The following PRICKLE1 variants were observed in gnomAD, a reference collection of about 807,000 sequenced individuals.
PRICKLE1 encodes the protein prickle-like protein 1.
In PRICKLE1, 14 loss-of-function variants were observed where a neutral mutation model predicts 70.2. That is an observed-to-expected ratio of 0.20 (90% CI 0.13 to 0.31). PRICKLE1 has a LOEUF of 0.31. PRICKLE1 is among the 10% of genes least tolerant of loss of function. The probability of loss-of-function intolerance (pLI) is 1.00; values close to 1 mark genes in which losing one functional copy is unlikely to be tolerated. For synonymous variants in PRICKLE1, 357 were observed against 379.9 expected (o/e 0.94, Z 0.70); for missense variants, 821 against 1,026.2 (o/e 0.80, Z 2.73).
At chr12:42,552,447 A>G (rs1290808550) in intron 1 of PRICKLE1, among the ~76,000 whole-genome samples, 1 of 152,244 alleles carries the variant, frequency 6.6e-6, no homozygotes, top group Non-Finnish European at 1.5e-5. Context: ...GAAACTAAGT[A>G]AGACAATGTA....
chr12:42,562,691 T>A (rs989255197), intron 1 of PRICKLE1, among the ~76,000 whole-genome samples: 2 of 152,006 alleles, frequency 1.3e-5, no homozygotes, highest in Non-Finnish European at 2.9e-5. Flanking sequence ...AATTTAAACA[T>A]CAACTATGTA....
At chr12:42,566,689 T>G (rs140523645) in intron 1 of PRICKLE1, among the ~76,000 whole-genome samples, 256 of 152,330 alleles carry the variant, frequency 1.7e-3, no homozygotes, top group African/African-American at 5.7e-3. Flanking sequence ...TAAATTTCTC[T>G]CTTTCTCTCT....
At chr12:42,515,240 A>ATT (rs11360372) in intron 1 of PRICKLE1, among the ~76,000 whole-genome samples, 3,668 of 138,664 alleles carry the variant, frequency 0.026, 166 homozygotes, top group African/African-American at 0.09. Context: ...GGCATTATCT[A>ATT]TTTTTTTTTT....
intron 1 of PRICKLE1, among the ~76,000 whole-genome samples, chr12:42,490,659 C>G (rs1464154306): frequency 6.6e-6 from 1 of 151,964 alleles, no homozygotes; most frequent in African/African-American, 2.4e-5. Context: ...CTTGTGGCTG[C>G]CCGGGGTGTA....
intron 1 of PRICKLE1, among the ~76,000 whole-genome samples, chr12:42,545,833 G>C (rs1239922592): frequency 6.7e-6 from 1 of 148,504 alleles, no homozygotes; most frequent in African/African-American, 2.5e-5. Flanking sequence ...CTGGGTGACA[G>C]AGCAAGACTC....
At chr12:42,567,922 C>T (rs886808774) in intron 1 of PRICKLE1, among the ~76,000 whole-genome samples, 1 of 152,074 alleles carries the variant, frequency 6.6e-6, no homozygotes, top group Non-Finnish European at 1.5e-5. Flanking sequence ...AAAAATAACC[C>T]TTGAAAACCT....
intron 1 of PRICKLE1, among the ~76,000 whole-genome samples, chr12:42,545,377 T>C (rs964739734): frequency 2.6e-5 from 4 of 152,210 alleles, no homozygotes; most frequent in Non-Finnish European, 4.4e-5. Context: ...TGTCATTCAA[T>C]GAATGACACA....
At chr12:42,557,166 G>A (rs1281443663) in intron 1 of PRICKLE1, among the ~76,000 whole-genome samples, 3 of 152,082 alleles carry the variant, frequency 2.0e-5, no homozygotes, top group Non-Finnish European at 4.4e-5. Context: ...CTGGTACATT[G>A]AGTGCTACTC....
At position 42,574,451 on chromosome 12, in the gene PRICKLE1, T is replaced by C. The variant is rs80216254; in HGVS notation, c.-49+15014A>G. On this transcript the variant is annotated intron_variant, in intron 1 of 7. Transcript: ENST00000345127. ...CTTTCCATCAACAAAGCAAATTGTG[T>C]CTGGTTATTGTGAAAATTAATTAAA... Among the ~76,000 whole-genome samples the C allele has an allele frequency of 4.1e-3, 623 of 152,336 alleles. 9 individuals are homozygous for C. In the South Asian group the frequency reaches 0.044, roughly 11 times the overall value.
At chr12:42,539,467 CAAA>C (rs71084669) in intron 1 of PRICKLE1, among the ~76,000 whole-genome samples, 6 of 90,714 alleles carry the variant, frequency 6.6e-5, no homozygotes, top group Admixed American at 2.4e-4. Flanking sequence ...GACTCTGTCT[CAAA>C]AAAAAAAAAA....
chr12:42,461,236 C>T (rs1186044832), intron 7 of PRICKLE1, among the ~76,000 whole-genome samples: 1 of 152,194 alleles, frequency 6.6e-6, no homozygotes, highest in African/African-American at 2.4e-5. Flanking sequence ...GTAGTTACGG[C>T]ACATGGCATG....
chr12:42,494,050 G>A (rs12317568), intron 1 of PRICKLE1, among the ~76,000 whole-genome samples: 8,117 of 152,198 alleles, frequency 0.053, 622 homozygotes, highest in African/African-American at 0.17. Context: ...TCTACTGAGT[G>A]TGCAACAGCA....
chr12:42,522,066 C>T (rs764530870), intron 1 of PRICKLE1, among the ~76,000 whole-genome samples: 5 of 151,614 alleles, frequency 3.3e-5, no homozygotes, highest in Non-Finnish European at 7.4e-5. Context: ...AGCTCCACCT[C>T]GCGGGTTCAA....
chr12:42,543,880 T>C (rs896235554), intron 1 of PRICKLE1, among the ~76,000 whole-genome samples: 1 of 152,218 alleles, frequency 6.6e-6, no homozygotes, highest in Non-Finnish European at 1.5e-5. Flanking sequence ...ACTGATAACG[T>C]AGTTGATTAA....
chr12:42,567,144 C>T (rs1395591688), intron 1 of PRICKLE1, among the ~76,000 whole-genome samples: 3 of 152,278 alleles, frequency 2.0e-5, no homozygotes, highest in South Asian at 2.1e-4. Flanking sequence ...GTTTTCAATC[C>T]GGATGGTCTA....
Position 42,466,333 on chromosome 12 carries a change from G to A in PRICKLE1, c.636C>T (p.His212=), listed in dbSNP as rs753025298. 3 of 1,614,176 alleles carry A rather than the reference G, an allele frequency of 1.9e-6. No homozygotes were observed. ...ACTCAAGGCAGCAGAAGTGTTTCAT[G>A]TGCCAATGGCGACCCTCAGCTTCTG... The part of the protein sequence containing the change: ...ECTEAEGRHW[H]MKHFCCLECE... The change falls in exon 6 of 8, where the codon CAC becomes CAT. Residue 212 remains histidine, a synonymous_variant. Transcript: ENST00000345127.
chr12:42,466,385 A>G lies in PRICKLE1; in HGVS notation c.589-5T>C. 1 of 1,613,800 alleles carries G rather than the reference A, an allele frequency of 6.2e-7. No homozygotes were observed. Among genetic ancestry groups the G allele is most frequent in the Non-Finnish European group, 8.5e-7 (1 of 1,179,676 alleles). ...GCACTCATCAGCAAAAATTATCTTC[A>G]AAAAGAAATGTGAAACCAGAGAATG... On this transcript the variant is annotated splice_polypyrimidine_tract_variant and splice_region_variant and intron_variant, in intron 5 of 7. Coordinates refer to ENST00000345127, the MANE Select transcript of PRICKLE1 (RefSeq NM_153026.3).
intron 1 of PRICKLE1, among the ~76,000 whole-genome samples, chr12:42,587,967 A>G (rs1794974565): frequency 6.6e-6 from 1 of 151,772 alleles, no homozygotes; most frequent in African/African-American, 2.4e-5. Flanking sequence ...TCCTTTCTAG[A>G]GTCTGAAAAC....
intron 1 of PRICKLE1, among the ~76,000 whole-genome samples, chr12:42,504,389 A>T (rs1327989410): frequency 6.6e-6 from 1 of 152,228 alleles, no homozygotes; most frequent in Admixed American, 6.5e-5. Flanking sequence ...ACCTGCCTCC[A>T]AAAAGCACAT....
Sources: gnomAD v4.1 joint callset for allele counts (sites outside exome capture counted in the v4.1 genomes callset) on GRCh38, gnomAD v4.1.1 for gene constraint, MANE v1.5 for transcripts, NCBI Gene and HGNC (gene_info 2026-07-23, HGNC 2026-07-21) for gene names.